LARGE1: variants seen among roughly 807,000 people sequenced by gnomAD.
The protein encoded by LARGE1 is xylosyl- and glucuronyltransferase LARGE1.
In LARGE1, 43 loss-of-function variants were observed where a neutral mutation model predicts 87.6. The ratio of observed to expected loss-of-function variants is 0.49; its 90% CI spans 0.38 to 0.63. The LOEUF is 0.63. LARGE1 is among the 30% of genes least tolerant of loss of function. LARGE1 has a pLI of 0.00. For missense variants in LARGE1, 802 were observed against 1,000.2 expected (o/e 0.80, Z 2.67); for synonymous variants, 434 against 394.6 (o/e 1.10, Z -1.18).
chr22:33,597,920 C>A (rs1034819046), intron 5 of LARGE1, among the ~76,000 whole-genome samples: 6 of 152,110 alleles, frequency 3.9e-5, no homozygotes, highest in Non-Finnish European at 7.4e-5. Context: ...AGAACAGGAT[C>A]CTTGGATGGA....
At chr22:33,725,965 A>C (rs1004586502) in intron 2 of LARGE1, among the ~76,000 whole-genome samples, 1 of 152,184 alleles carries the variant, frequency 6.6e-6, no homozygotes, top group African/African-American at 2.4e-5. Context: ...TGCTGCTGGT[A>C]CATAGTAGGT....
chr22:33,365,468 G>A (rs1050395352), intron 9 of LARGE1, among the ~76,000 whole-genome samples: 7 of 152,138 alleles, frequency 4.6e-5, no homozygotes, highest in African/African-American at 1.7e-4. Flanking sequence ...ATCTTTTCAT[G>A]TGTTTATTGG....
At chr22:33,131,063 T>TAAAA in the LARGE1 span, among the ~76,000 whole-genome samples, 1 of 115,570 alleles carries the variant, frequency 8.7e-6, no homozygotes, top group Non-Finnish European at 1.8e-5. Flanking sequence ...AAAAAAAAAG[T>TAAAA]AACTATCGAA....
At chr22:33,748,135 G>GT (rs367726760) in intron 2 of LARGE1, among the ~76,000 whole-genome samples, 17,696 of 126,704 alleles carry the variant, frequency 0.14, 1,924 homozygotes, top group African/African-American at 0.29. Flanking sequence ...ATGCAGGTTT[G>GT]TTTTTTTTTT....
intron 11 of LARGE1, among the ~76,000 whole-genome samples, chr22:33,243,894 C>T (rs1926633517): frequency 6.6e-6 from 1 of 152,136 alleles, no homozygotes; most frequent in Non-Finnish European, 1.5e-5. Context: ...CAATAAAAGT[C>T]CTGAAACCCA....
chr22:33,403,012 G>A (rs2065974816), intron 7 of LARGE1, among the ~76,000 whole-genome samples: 1 of 152,192 alleles, frequency 6.6e-6, no homozygotes, highest in African/African-American at 2.4e-5. Flanking sequence ...CCTATGGGGT[G>A]ATGTGGAATA....
At chr22:33,771,195 T>C (rs566151584) in intron 1 of LARGE1, among the ~76,000 whole-genome samples, 1 of 151,146 alleles carries the variant, frequency 6.6e-6, no homozygotes, top group Admixed American at 6.6e-5. Flanking sequence ...TTTTGTATTC[T>C]CTCTTGTTCA....
At chr22:33,794,129 C>G (rs2085908307) in intron 1 of LARGE1, among the ~76,000 whole-genome samples, 1 of 152,126 alleles carries the variant, frequency 6.6e-6, no homozygotes, top group South Asian at 2.1e-4. Flanking sequence ...CCAGAAGCTT[C>G]CCAGGACCCA....
chr22:33,158,987 A>AT (rs1270947989), downstream of LARGE1, among the ~76,000 whole-genome samples: 1 of 152,198 alleles, frequency 6.6e-6, no homozygotes, highest in African/African-American at 2.4e-5. Flanking sequence ...TAGAATGTAT[A>AT]TTTTTTATCA....
At chr22:33,240,949 A>G (rs1926482438) in intron 11 of LARGE1, among the ~76,000 whole-genome samples, 1 of 152,062 alleles carries the variant, frequency 6.6e-6, no homozygotes, top group African/African-American at 2.4e-5. Flanking sequence ...CTAATCACCA[A>G]TCCACAACTT....
intron 2 of LARGE1, among the ~76,000 whole-genome samples, chr22:33,687,322 C>T (rs2081974633): frequency 6.6e-6 from 1 of 151,804 alleles, no homozygotes; most frequent in African/African-American, 2.4e-5. Context: ...AAGAAGTCCT[C>T]TCTGACCTTC....
rs571828278 is a variant in LARGE1 at position 33,712,878 on chromosome 22, CATA to C, written c.106+48490_106+48492del. 2.0e-4 allele frequency among the ~76,000 whole-genome samples: 30 copies of C among 152,266 alleles called. No homozygotes were observed. In the South Asian group the frequency reaches 3.1e-3, roughly 16 times the overall value. On this transcript the variant is annotated intron_variant, in intron 2 of 14. Transcript: ENST00000397394. Reference sequence around the variant, plus strand: ...CTCTGTGCCTTAGGAATTTGCTCTGCATAATCTTTGTACTCACAGAAGGTATAT... The same window carrying C: ...CTCTGTGCCTTAGGAATTTGCTCTGCATCTTTGTACTCACAGAAGGTATAT...
intron 7 of LARGE1, among the ~76,000 whole-genome samples, chr22:33,404,766 T>G (rs1474406346): frequency 6.6e-6 from 1 of 152,256 alleles, no homozygotes; most frequent in Non-Finnish European, 1.5e-5. Context: ...TGATCACTTT[T>G]GCAGTATTCA....
chr22:33,387,053 G>A (rs2065348329), intron 7 of LARGE1, among the ~76,000 whole-genome samples: 2 of 148,548 alleles, frequency 1.3e-5, no homozygotes, highest in East Asian at 1.9e-4. Context: ...GCAGTGAGCC[G>A]AGATTGTGCC....
intron 5 of LARGE1, among the ~76,000 whole-genome samples, chr22:33,592,812 CT>C (rs945650283): frequency 2.7e-5 from 4 of 150,586 alleles, no homozygotes; most frequent in South Asian, 2.1e-4. Context: ...TGTATATTTT[CT>C]TTTTTTTTCT....
chr22:33,912,091 C>T (rs2146965433), intron 1 of LARGE1, among the ~76,000 whole-genome samples: 3 of 152,302 alleles, frequency 2.0e-5, no homozygotes, highest in Admixed American at 2.0e-4. Context: ...TGCCTCTATG[C>T]CTCCCTTGGC....
intron 4 of LARGE1, among the ~76,000 whole-genome samples, chr22:33,621,266 T>C (rs1269445158): frequency 6.6e-6 from 1 of 152,196 alleles, no homozygotes; most frequent in African/African-American, 2.4e-5. Flanking sequence ...ATTGTTAGGG[T>C]TCTCTTTTTA....
In LARGE1 at chr22:33,363,804, G is replaced by A. The variant is rs1054974820; in HGVS notation, c.1131+18115C>T. Among the ~76,000 whole-genome samples, 4 of 149,808 alleles carry A rather than the reference G, an allele frequency of 2.7e-5. 1 individual carries two copies. The highest frequency in any genetic ancestry group is 2.0e-4 in the Admixed American group (3 of 15,134). ...AGGGCGACTTGAACACAAGCATTGC[G>A]ATCCCAGAGAGTCAATCTGATAACT... is the stretch of plus-strand genomic sequence containing the variant. On this transcript the variant is annotated intron_variant, in intron 9 of 14. Transcript: ENST00000397394.
At chr22:33,722,095 T>C (rs239313) in intron 2 of LARGE1, among the ~76,000 whole-genome samples, 44,418 of 151,570 alleles carry the variant, frequency 0.29, 7,424 homozygotes, top group East Asian at 0.49. Flanking sequence ...CTACTAAAAA[T>C]ACAAAAAATT....
Sources: allele counts gnomAD v4.1 joint callset (sites outside exome capture counted in the v4.1 genomes callset), GRCh38; gene constraint gnomAD v4.1.1; transcripts MANE v1.5; gene names NCBI Gene and HGNC (gene_info 2026-07-23, HGNC 2026-07-21).